Variants in RANBP2 observed in about 807,000 individuals in gnomAD.
The protein encoded by RANBP2 is RAN binding protein 2, also known as E3 SUMO-protein ligase RanBP2.
Under a neutral mutation model 303.6 loss-of-function variants are expected in RANBP2, and 57 were observed. That is an observed-to-expected ratio of 0.19 (90% CI 0.15 to 0.23). The LOEUF is 0.23. Among genes scored for constraint, RANBP2 ranks in the 10% least tolerant of loss-of-function variants. The pLI, the probability that RANBP2 is intolerant of heterozygous loss-of-function variation, is 1.00. For missense variants in RANBP2, 3,138 were observed against 3,780.8 expected (o/e 0.83, Z 4.46); for synonymous variants, 1,167 against 1,301.5 (o/e 0.90, Z 2.23).
chr2:109,134,334 A>G, the RANBP2 span, among the ~76,000 whole-genome samples: 1 of 152,116 alleles, frequency 6.6e-6, no homozygotes. Context: ...CCAGAGGAAA[A>G]GGCTGGCACT....
At chr2:109,312,705 A>C in the RANBP2 span, among the ~76,000 whole-genome samples, 1 of 152,222 alleles carries the variant, frequency 6.6e-6, no homozygotes, top group Non-Finnish European at 1.5e-5. Flanking sequence ...TCAGAATTCC[A>C]TTCCCCTCTA....
At chr2:109,261,233 GC>G in the RANBP2 span, among the ~76,000 whole-genome samples, 1 of 152,136 alleles carries the variant, frequency 6.6e-6, no homozygotes, top group East Asian at 1.9e-4. Context: ...GAGGGCCCTG[GC>G]TGATGGCTCT....
chr2:109,062,930 G>C, the RANBP2 span, among the ~76,000 whole-genome samples: 53 of 152,238 alleles, frequency 3.5e-4, no homozygotes, highest in Admixed American at 7.8e-4. Flanking sequence ...AGACAGAGCT[G>C]GTGCCAACTG....
the RANBP2 span, among the ~76,000 whole-genome samples, chr2:108,845,626 C>T: frequency 6.8e-6 from 1 of 146,018 alleles, no homozygotes; most frequent in East Asian, 2.0e-4. Context: ...GGCTGGAGTG[C>T]AGTGGTGCGA....
chr2:109,030,619 G>T, the RANBP2 span, among the ~76,000 whole-genome samples: 1 of 152,178 alleles, frequency 6.6e-6, no homozygotes, highest in African/African-American at 2.4e-5. Flanking sequence ...TAAGCAGAAG[G>T]CTCCTTCTAG....
chr2:108,886,516 G>A, the RANBP2 span, among the ~76,000 whole-genome samples: 4 of 152,128 alleles, frequency 2.6e-5, no homozygotes, highest in East Asian at 1.9e-4. Flanking sequence ...TTGGGTTCAC[G>A]CCGTTCTCCT....
At chr2:108,771,988 T>C (rs1196519095) in intron 21 of RANBP2, 117 bp downstream of exon 21, 1 of 1,289,526 alleles carries the variant, frequency 7.8e-7, no homozygotes, top group Non-Finnish European at 1.1e-6. Flanking sequence ...TCCTTGCAGG[T>C]AGATATTTAC....
chr2:109,278,329 C>T, the RANBP2 span, among the ~76,000 whole-genome samples: 6,143 of 152,300 alleles, frequency 0.04, 414 homozygotes, highest in African/African-American at 0.14. Flanking sequence ...GGCTGGTGCC[C>T]GTAATGGGGG....
chr2:109,359,178 G>T, the RANBP2 span, among the ~76,000 whole-genome samples: 7 of 152,118 alleles, frequency 4.6e-5, no homozygotes, highest in African/African-American at 1.7e-4. Context: ...CTTCATTATT[G>T]TAACTTTATT....
chr2:109,493,134 CCCACATACATCATACAAAACACATACA>C, the RANBP2 span, among the ~76,000 whole-genome samples: 6 of 144,062 alleles, frequency 4.2e-5, no homozygotes, highest in African/African-American at 1.5e-4. Context: ...ACACACATAC[CCCACATACATCATACAAAACACATACA>C]CCACACATAC....
At chr2:108,759,737 G>A (rs1334861389) in intron 18 of RANBP2, among the ~76,000 whole-genome samples, 4 of 152,102 alleles carry the variant, frequency 2.6e-5, no homozygotes, top group Admixed American at 2.0e-4. Flanking sequence ...ACATCATATA[G>A]GTCCTTGTAA....
chr2:109,140,606 C>T, the RANBP2 span, among the ~76,000 whole-genome samples: 1 of 152,166 alleles, frequency 6.6e-6, no homozygotes. Flanking sequence ...TGGTCTTGAT[C>T]TCCTGACCTC....
chr2:109,430,412 T>C, the RANBP2 span, among the ~76,000 whole-genome samples: 6 of 152,118 alleles, frequency 3.9e-5, no homozygotes, highest in Admixed American at 3.9e-4. Flanking sequence ...TCTTCTGCCT[T>C]CCTTTGCCTC....
the RANBP2 span, among the ~76,000 whole-genome samples, chr2:109,345,501 C>T: frequency 4.6e-5 from 7 of 152,038 alleles, no homozygotes; most frequent in Non-Finnish European, 8.8e-5. Context: ...TAAGCCTCAC[C>T]CTTGTGGTTT....
At chr2:109,350,444 G>A in the RANBP2 span, among the ~76,000 whole-genome samples, 353 of 152,296 alleles carry the variant, frequency 2.3e-3, 5 homozygotes, top group East Asian at 0.043. Flanking sequence ...GCCTCTGGGT[G>A]TGATCCCCAG....
the RANBP2 span, among the ~76,000 whole-genome samples, chr2:109,337,519 C>T: frequency 0.022 from 3,311 of 152,312 alleles, 55 homozygotes; most frequent in East Asian, 0.062. Flanking sequence ...GAGGCACCCC[C>T]GGTCACAGGA....
the RANBP2 span, among the ~76,000 whole-genome samples, chr2:108,965,455 A>T: frequency 1.0e-5 from 1 of 95,982 alleles, no homozygotes; most frequent in Non-Finnish European, 2.0e-5. Flanking sequence ...ACAGAGCGAG[A>T]TTTCGTCTCA....
chr2:109,423,760 G>T, the RANBP2 span, among the ~76,000 whole-genome samples: 5 of 152,174 alleles, frequency 3.3e-5, no homozygotes, highest in Non-Finnish European at 7.3e-5. Context: ...AGGCATGGCG[G>T]CACCGTCCTC....
At chr2:109,398,668 C>A in the RANBP2 span, 3 of 1,607,746 alleles carry the variant, frequency 1.9e-6, no homozygotes, top group African/African-American at 4.0e-5. Context: ...TGCCTCCCTG[C>A]CCTCTGACTC....
Sources: allele counts gnomAD v4.1 joint callset (sites outside exome capture counted in the v4.1 genomes callset), GRCh38; gene constraint gnomAD v4.1.1; transcripts MANE v1.5; gene names NCBI Gene and HGNC (gene_info 2026-07-23, HGNC 2026-07-21).